PFKM: variants seen among roughly 807,000 people sequenced by gnomAD.
PFKM encodes ATP-dependent 6-phosphofructokinase, muscle type.
PFKM carries 58 observed loss-of-function variants against 95.5 expected under a neutral mutation model. The observed-to-expected ratio is 0.61, with a 90% CI of 0.49 to 0.76. The LOEUF is 0.76. Ranked by LOEUF, PFKM falls within the 30% of genes least tolerant of loss-of-function variation. The pLI is 0.00. For missense variants in PFKM, 678 were observed against 1,005.4 expected (o/e 0.67, Z 4.40); for synonymous variants, 336 against 357.2 (o/e 0.94, Z 0.67).
intron 3 of PFKM, among the ~76,000 whole-genome samples, chr12:48,109,927 T>C (rs1947035660): frequency 6.6e-6 from 1 of 152,200 alleles, no homozygotes; most frequent in Admixed American, 6.5e-5. Context: ...AGTACTGTAC[T>C]TGGCACTGGG....
At chr12:48,143,053 T>A in intron 18 of PFKM, 107 bp downstream of exon 18, 1 of 1,061,150 alleles carries the variant, frequency 9.4e-7, no homozygotes, top group Non-Finnish European at 1.4e-6. Flanking sequence ...CTGATTGGTC[T>A]GTAGAATCCT....
At position 48,134,953 on chromosome 12, in the gene PFKM, G is replaced by A; in HGVS notation, c.758G>A (p.Arg253His). The change falls in exon 9 of 23, where the codon CGT becomes CAT. Residue 253 changes from arginine to histidine, a missense_variant. Transcript: ENST00000359794. ...LCRRLSETRTRGSRLNIIIVA... is the reference protein window; with the variant it reads ...LCRRLSETRTHGSRLNIIIVA... Reference sequence around the variant, plus strand: ...TTTGTTCTCAACCAGACAAGGACCCGTGGTTCTCGTCTCAACATCATCATT... The same window carrying A: ...TTTGTTCTCAACCAGACAAGGACCCATGGTTCTCGTCTCAACATCATCATT... 10 of 1,613,628 alleles carry A rather than the reference G, an allele frequency of 6.2e-6. No homozygotes were observed. The highest frequency in any genetic ancestry group is 8.5e-6 in the Non-Finnish European group (10 of 1,179,590).
intron 2 of PFKM, among the ~76,000 whole-genome samples, chr12:48,107,617 G>A (rs1028986800): frequency 6.6e-6 from 1 of 152,152 alleles, no homozygotes; most frequent in East Asian, 1.9e-4. Flanking sequence ...TCACTGAGTC[G>A]TGTATTTTCC....
intron 3 of PFKM, among the ~76,000 whole-genome samples, chr12:48,113,029 A>G (rs1947346566): frequency 6.6e-6 from 1 of 152,162 alleles, no homozygotes; most frequent in Non-Finnish European, 1.5e-5. Flanking sequence ...TTGAACTGGG[A>G]AAAAAGGCAG....
chr12:48,116,140 T>TCCTC (rs563047897), upstream of PFKM, among the ~76,000 whole-genome samples: 650 of 141,198 alleles, frequency 4.6e-3, 2 homozygotes, highest in South Asian at 0.03. Flanking sequence ...CTTCCTTCCT[T>TCCTC]CCTCTCTCTC....
chr12:48,123,004 G>T, intron 2 of PFKM, 145 bp downstream of exon 2: 1 of 694,768 alleles, frequency 1.4e-6, no homozygotes, highest in Non-Finnish European at 2.5e-6. Context: ...AAGTCCTCAA[G>T]TGCATTTGAA....
At chr12:48,123,241 G>A (rs1351511582) in intron 2 of PFKM, among the ~76,000 whole-genome samples, 1 of 152,148 alleles carries the variant, frequency 6.6e-6, no homozygotes, top group East Asian at 1.9e-4. Context: ...ATTAGTATAT[G>A]GTGGGTCCCA....
chr12:48,127,723 A>G (rs1949005309), intron 2 of PFKM, among the ~76,000 whole-genome samples: 1 of 152,234 alleles, frequency 6.6e-6, no homozygotes, highest in Non-Finnish European at 1.5e-5. Flanking sequence ...TCTGAGATAC[A>G]GATCGCATCA....
intron 2 of PFKM, chr12:48,107,996 G>A: frequency 1.3e-6 from 2 of 1,497,272 alleles, no homozygotes; most frequent in Non-Finnish European, 9.1e-7. Context: ...GAGTCATAGG[G>A]AAAATGAAAG....
exon 2 of PFKM, chr12:48,107,388 G>C: frequency 6.3e-7 from 1 of 1,598,084 alleles, no homozygotes; most frequent in Non-Finnish European, 8.5e-7. Context: ...ATAAAGACGA[G>C]TTTCATCTGA....
chr12:48,133,485 G>A lies in PFKM; in HGVS notation c.593+5G>A. 1 of 1,612,972 alleles carries A rather than the reference G, an allele frequency of 6.2e-7. No homozygotes were observed. The highest frequency in any genetic ancestry group is 8.5e-7 in the Non-Finnish European group (1 of 1,178,914). ...CATCACTACCACTGCCCAGAGGTAA[G>A]GGGACTTGGGAGGTAGGCAGTGTAA... On this transcript the variant is annotated splice_donor_5th_base_variant and intron_variant, in intron 6 of 22. Coordinates refer to ENST00000359794, the MANE Select transcript of PFKM (RefSeq NM_000289.6).
intron 4 of PFKM, 104 bp downstream of exon 4, chr12:48,131,497 GGGAA>G (rs1173694745): frequency 1.2e-6 from 1 of 853,544 alleles, no homozygotes; most frequent in Non-Finnish European, 2.0e-6. Context: ...GTGGTTTCAT[GGGAA>G]GGAATTCAGT....
chr12:48,129,451 C>A (rs1051941793), intron 2 of PFKM, among the ~76,000 whole-genome samples: 22 of 151,784 alleles, frequency 1.4e-4, no homozygotes, highest in African/African-American at 5.3e-4. Flanking sequence ...ATATACAGGG[C>A]CACAGGAAGA....
At chr12:48,134,883 A>T (rs1949917665) in intron 8 of PFKM, 54 bp downstream of exon 8, 1 of 1,584,726 alleles carries the variant, frequency 6.3e-7, no homozygotes, top group East Asian at 2.2e-5. Context: ...TCCACTGATG[A>T]TCTCTTTCCC....
intron 3 of PFKM, among the ~76,000 whole-genome samples, chr12:48,110,802 G>A (rs1947114899): frequency 6.6e-6 from 1 of 152,184 alleles, no homozygotes; most frequent in Non-Finnish European, 1.5e-5. Context: ...AGTATAAGCA[G>A]CTCTGCCTGT....
intron 1 of PFKM, among the ~76,000 whole-genome samples, chr12:48,106,833 C>T (rs560609510): frequency 6.6e-6 from 1 of 152,186 alleles, no homozygotes; most frequent in African/African-American, 2.4e-5. Context: ...TGGGAGCCCA[C>T]TAGAGATCTG....
chr12:48,124,558 C>T (rs1339268543), intron 2 of PFKM, among the ~76,000 whole-genome samples: 1 of 152,152 alleles, frequency 6.6e-6, no homozygotes, highest in African/African-American at 2.4e-5. Flanking sequence ...CTCAGAGCAG[C>T]AGAGCCCTTC....
chr12:48,120,133 A>G (rs932602531), intron 1 of PFKM, among the ~76,000 whole-genome samples: 8 of 152,092 alleles, frequency 5.3e-5, no homozygotes, highest in African/African-American at 1.9e-4. Flanking sequence ...TGCCCTAGTC[A>G]CTTAATCTTT....
intron 18 of PFKM, 84 bp from the exon 19 acceptor site, chr12:48,143,669 C>G (rs1950776289): frequency 4.2e-6 from 4 of 961,158 alleles, no homozygotes; most frequent in Non-Finnish European, 6.8e-6. Context: ...CTCTTCCTTC[C>G]TGGAGAGGTG....
Sources: allele counts gnomAD v4.1 joint callset (sites outside exome capture counted in the v4.1 genomes callset), GRCh38; gene constraint gnomAD v4.1.1; transcripts MANE v1.5; gene names NCBI Gene and HGNC (gene_info 2026-07-23, HGNC 2026-07-21).